CDC16: variants seen among roughly 807,000 people sequenced by gnomAD.
The protein encoded by CDC16 is cell division cycle protein 16 homolog.
In CDC16, 34 loss-of-function variants were observed where a neutral mutation model predicts 87.0. The observed-to-expected ratio is 0.39, with a 90% confidence interval of 0.30 to 0.52. The LOEUF is 0.52. Among genes scored for constraint, CDC16 ranks in the 20% least tolerant of loss-of-function variants. The pLI, the probability that CDC16 is intolerant of heterozygous loss-of-function variation, is 0.74. For missense variants in CDC16, 653 were observed against 751.9 expected, an observed-to-expected ratio of 0.87 and a Z score of 1.54; for synonymous variants, 263 against 260.6, an observed-to-expected ratio of 1.01 and a Z score of -0.09.
intron 10 of CDC16, 136 bp downstream of exon 10, chr13:114,246,185 T>C (rs2081861966): frequency 3.8e-6 from 2 of 529,818 alleles, no homozygotes; most frequent in African/African-American, 4.0e-5. Context: ...AATCTCCTAG[T>C]GTTTATTGTA....
At chr13:114,240,978 G>C (rs750154905) in intron 5 of CDC16, among the ~76,000 whole-genome samples, 41 of 152,276 alleles carry the variant, frequency 2.7e-4, no homozygotes, top group Non-Finnish European at 4.4e-4. Flanking sequence ...TTAGTTCGAA[G>C]ACTCTCATAA....
rs1314305384 is a variant in CDC16 at position 114,272,624 on chromosome 13, C to G, written c.*181C>G. The G allele has an allele frequency of 1.9e-6, 1 of 518,396 alleles. No homozygotes were observed. Among genetic ancestry groups the G allele is most frequent in the African/African-American group, 1.9e-5 (1 of 52,038 alleles). 32.1% of individuals were successfully genotyped at this position (518,396 alleles called of 1,614,324 possible). ...CCTTTGCAACAGATGTGTTCTGATT[C>G]TCTGAACCTACAAAATAGTTATACA... On this transcript the variant is annotated 3_prime_UTR_variant, in exon 18 of 18. Transcript: ENST00000356221.
chr13:114,238,179 CGG>C (rs2081351373), intron 3 of CDC16, among the ~76,000 whole-genome samples: 4 of 137,596 alleles, frequency 2.9e-5, no homozygotes, highest in African/African-American at 1.2e-4. Flanking sequence ...GTGAGCTCCT[CGG>C]ACGCCCAGCA....
chr13:114,248,198 GAATT>G lies in CDC16; in HGVS notation c.971+1200_971+1203del, dbSNP rs1347264696. Among the ~76,000 whole-genome samples, 8 of 152,314 alleles carry G rather than the reference GAATT, an allele frequency of 5.3e-5. No homozygotes were observed. In the East Asian group the frequency reaches 1.3e-3, roughly 26 times the overall value. On this transcript the variant is annotated intron_variant, in intron 11 of 17. Coordinates refer to ENST00000356221, the MANE Select transcript of CDC16 (RefSeq NM_001078645.3). Reference sequence around the variant, plus strand: ...TTTAGAAAAATGTCAAGTATGTGAAGAATTAATTACTTAAACTCTGTAAATGTTC... The same window carrying G: ...TTTAGAAAAATGTCAAGTATGTGAAGAATTACTTAAACTCTGTAAATGTTC...
At chr13:114,250,727 A>G in intron 12 of CDC16, 53 bp downstream of exon 12, 4 of 1,580,254 alleles carry the variant, frequency 2.5e-6, no homozygotes, top group Admixed American at 1.8e-5. Context: ...TTCCTAATAG[A>G]AATGAAATTT....
At chr13:114,241,308 G>C (rs947068367) in intron 5 of CDC16, among the ~76,000 whole-genome samples, 1 of 152,198 alleles carries the variant, frequency 6.6e-6, no homozygotes, top group South Asian at 2.1e-4. Context: ...GCCAAGAGAG[G>C]TTCAATCACT....
chr13:114,244,410 T>C (rs2081733944), intron 8 of CDC16: 2 of 161,622 alleles, frequency 1.2e-5, no homozygotes, highest in Admixed American at 1.3e-4. Context: ...AAATGACATA[T>C]GCTATTTTTT....
At position 114,259,288 on chromosome 13, in the gene CDC16, A is replaced by G. The variant is rs763354396; in HGVS notation, c.1251-47A>G. On this transcript the variant is annotated intron_variant, in intron 13 of 17. Coordinates refer to ENST00000356221, the MANE Select transcript of CDC16 (RefSeq NM_001078645.3). ...AATCAAAAATTTTTTTAAAGTTTAT[A>G]TTTGCTAATTTCGAATAATCTGCAA... The G allele has an allele frequency of 2.1e-6, 3 of 1,414,212 alleles. No homozygotes were observed. In the South Asian group the frequency reaches 3.9e-5, roughly 18 times the overall value. 87.6% of individuals were successfully genotyped at this position (1,414,212 alleles called of 1,614,324 possible).
chr13:114,247,303 C>T (rs2039090), intron 11 of CDC16: 86,779 of 311,478 alleles, frequency 0.28, 14,955 homozygotes, highest in African/African-American at 0.56. Flanking sequence ...GCTGGGACTA[C>T]AGGCACCACC....
At chr13:114,239,817 A>G (rs1300728986) in intron 5 of CDC16, among the ~76,000 whole-genome samples, 1 of 152,202 alleles carries the variant, frequency 6.6e-6, no homozygotes, top group Non-Finnish European at 1.5e-5. Flanking sequence ...ACCTACACCA[A>G]GAAACTTTGA....
At chr13:114,252,542 A>G (rs2082254522) in intron 12 of CDC16, among the ~76,000 whole-genome samples, 2 of 152,130 alleles carry the variant, frequency 1.3e-5, no homozygotes, top group South Asian at 4.1e-4. Context: ...AGGTCTCTCC[A>G]TCCTGTTCAC....
chr13:114,258,417 T>C (rs1007320194), intron 13 of CDC16, among the ~76,000 whole-genome samples: 2 of 152,244 alleles, frequency 1.3e-5, no homozygotes, highest in Non-Finnish European at 2.9e-5. Flanking sequence ...AGTGTACTTC[T>C]TGTGGTCTAT....
intron 13 of CDC16, 36 bp from the exon 14 acceptor site, chr13:114,259,299 T>G: frequency 2.6e-6 from 4 of 1,511,282 alleles, no homozygotes; most frequent in Non-Finnish European, 3.6e-6. Flanking sequence ...TTTGCTAATT[T>G]CGAATAATCT....
intron 5 of CDC16, among the ~76,000 whole-genome samples, chr13:114,239,819 A>C (rs1311512441): frequency 5.3e-5 from 8 of 152,176 alleles, no homozygotes; most frequent in Admixed American, 3.9e-4. Flanking sequence ...CTACACCAAG[A>C]AACTTTGATT....
rs1212456063 is a variant in CDC16, at chr13:114,251,035, G to C, written c.1097+361G>C. ...AGGTATTTGATGTGGCTTAGTGGTA[G>C]GTGCAGGACTGTATTTGCCAGTATT... On this transcript the variant is annotated intron_variant, in intron 12 of 17. Coordinates refer to ENST00000356221, the MANE Select transcript of CDC16 (RefSeq NM_001078645.3). Among the ~76,000 whole-genome samples, 5 of 152,174 alleles carry C rather than the reference G, an allele frequency of 3.3e-5. No individual in the cohort carries two copies. The East Asian group carries it at 9.6e-4, about 29-fold the overall frequency.
chr13:114,237,691 G>C (rs992662438), intron 3 of CDC16, among the ~76,000 whole-genome samples: 9 of 152,074 alleles, frequency 5.9e-5, no homozygotes, highest in African/African-American at 2.2e-4. Context: ...TCTGAAGACT[G>C]TTTTCTAAAC....
chr13:114,251,611 A>G (rs543197135), intron 12 of CDC16, among the ~76,000 whole-genome samples: 53 of 152,308 alleles, frequency 3.5e-4, no homozygotes, highest in African/African-American at 1.3e-3. Flanking sequence ...GTCAGTAGTC[A>G]TAGTAACTTG....
At chr13:114,255,389 T>TA (rs2139049026) in intron 12 of CDC16, among the ~76,000 whole-genome samples, 1 of 152,280 alleles carries the variant, frequency 6.6e-6, no homozygotes, top group South Asian at 2.1e-4. Flanking sequence ...CGCTTCCTAT[T>TA]ACACTGTTAC....
At chr13:114,250,800 C>A in intron 12 of CDC16, 126 bp downstream of exon 12, 1 of 915,664 alleles carries the variant, frequency 1.1e-6, no homozygotes, top group East Asian at 2.7e-5. Flanking sequence ...GCCTTTTAAT[C>A]TAGTTGCTTG....
Sources: gnomAD v4.1 joint callset for allele counts (sites outside exome capture counted in the v4.1 genomes callset) on GRCh38, gnomAD v4.1.1 for gene constraint, MANE v1.5 for transcripts, NCBI Gene and HGNC (gene_info 2026-07-23, HGNC 2026-07-21) for gene names.